Variants in ARHGAP26 observed in about 807,000 individuals in gnomAD.
ARHGAP26 encodes Rho GTPase activating protein 26.
In ARHGAP26, 38 loss-of-function variants were observed where a neutral mutation model predicts 104.8. The observed-to-expected ratio is 0.36, with a 90% CI of 0.28 to 0.48. The LOEUF is 0.48. Among genes scored for constraint, ARHGAP26 ranks in the 20% least tolerant of loss-of-function variants. The pLI is 0.99. For synonymous variants in ARHGAP26, 341 were observed against 340.0 expected, an observed-to-expected ratio of 1.00 and a Z score of -0.03; for missense variants, 704 against 947.9, an observed-to-expected ratio of 0.74 and a Z score of 3.38.
intron 22 of ARHGAP26, among the ~76,000 whole-genome samples, chr5:143,218,479 G>GAC (rs1810673084): frequency 6.6e-6 from 1 of 152,164 alleles, no homozygotes. Context: ...ACCTCTTTTA[G>GAC]TTAAGACTTC....
rs151187567 is a variant in ARHGAP26 at position 143,078,394 on chromosome 5, G to A, written c.1538+20647G>A. 3.9e-3 allele frequency among the ~76,000 whole-genome samples: 587 copies of A among 152,230 alleles called. 2 individuals are homozygous for A. Among genetic ancestry groups the A allele is most frequent in the African/African-American group, 0.014 (568 of 41,526 alleles). On this transcript the variant is annotated intron_variant, in intron 17 of 22. Transcript: ENST00000645722. ...CCTGCCCCTGCTGGATTTCAATTCG[G>A]ATTTTGGTTTTTTATTTTGGTCAGT...
At chr5:142,856,754 A>G (rs1752420662) in intron 1 of ARHGAP26, among the ~76,000 whole-genome samples, 1 of 152,192 alleles carries the variant, frequency 6.6e-6, no homozygotes, top group South Asian at 2.1e-4. Context: ...TAATCTAGAG[A>G]TGATTTAAAG....
chr5:142,861,230 G>A (rs1176883951), intron 1 of ARHGAP26, among the ~76,000 whole-genome samples: 1 of 152,076 alleles, frequency 6.6e-6, no homozygotes, highest in Non-Finnish European at 1.5e-5. Context: ...CTTGGTCCCT[G>A]GAGCACAGCC....
At chr5:142,788,183 T>C (rs1488746730) in intron 1 of ARHGAP26, among the ~76,000 whole-genome samples, 2 of 151,896 alleles carry the variant, frequency 1.3e-5, no homozygotes, top group African/African-American at 4.8e-5. Context: ...GTATTTTTAG[T>C]AGAGATGGGG....
intron 20 of ARHGAP26, among the ~76,000 whole-genome samples, chr5:143,171,885 G>A (rs1350021532): frequency 1.3e-5 from 2 of 152,152 alleles, no homozygotes; most frequent in African/African-American, 4.8e-5. Flanking sequence ...TGTTAGGTTT[G>A]CGATTTGGGA....
At chr5:143,042,013 C>T in intron 14 of ARHGAP26, 123 bp downstream of exon 14, 4 of 785,072 alleles carry the variant, frequency 5.1e-6, no homozygotes, top group East Asian at 2.7e-5. Context: ...GAGCTGTCAC[C>T]TAGAAGTCAT....
At chr5:142,905,391 C>CT (rs11338660) in intron 8 of ARHGAP26, among the ~76,000 whole-genome samples, 1 of 151,406 alleles carries the variant, frequency 6.6e-6, no homozygotes. Flanking sequence ...GGATACAGCA[C>CT]TTTTTTTTTA....
At position 142,873,496 on chromosome 5, in the gene ARHGAP26, G is replaced by A; in HGVS notation, c.250+1G>A. The A allele has an allele frequency of 6.4e-7, 1 of 1,571,388 alleles. No homozygotes were observed. Among genetic ancestry groups the A allele is most frequent in the Non-Finnish European group, 8.6e-7 (1 of 1,161,566 alleles). ...GAAACAGATGATGAGATGTGTATAG[G>A]TAAGTCATAACTGTGCAGAAGATAA... On this transcript the variant is annotated splice_donor_variant, in intron 2 of 22. Transcript: ENST00000645722. LOFTEE classifies it high-confidence loss of function.
chr5:143,054,775 T>C (rs1205693884), intron 15 of ARHGAP26, among the ~76,000 whole-genome samples: 5 of 152,232 alleles, frequency 3.3e-5, no homozygotes, highest in Non-Finnish European at 5.9e-5. Flanking sequence ...AGTATTGTGA[T>C]AATTAGCCAT....
rs796898822 is a variant in ARHGAP26, at chr5:143,115,420, AT to A, written c.1539-5558del. Among the ~76,000 whole-genome samples, 1,170 of 148,918 alleles carry A rather than the reference AT, an allele frequency of 7.9e-3. 19 individuals carry two copies. Among genetic ancestry groups the A allele is most frequent in the African/African-American group, 0.027 (1,079 of 40,712 alleles). On this transcript the variant is annotated intron_variant, in intron 17 of 22. Transcript: ENST00000645722. ...TTTCTATAGATTCAAAGTATTTCAT[AT>A]TTTTTTTTTACACCAAAGAATGAAA...
intron 19 of ARHGAP26, among the ~76,000 whole-genome samples, chr5:143,144,598 G>C (rs1226898589): frequency 6.6e-6 from 1 of 151,864 alleles, no homozygotes; most frequent in African/African-American, 2.4e-5. Flanking sequence ...GTAGAGATGG[G>C]GGTCTCACTG....
Position 143,035,016 on chromosome 5 carries a change from T to G in ARHGAP26, c.1145-2180T>G, listed in dbSNP as rs1427313536. Reference sequence around the variant, plus strand: ...TTTTAAGGGAATAAAAAGAATGGTTTGTATAGCAAGTAATCTCCAGGGAGA... The same window carrying G: ...TTTTAAGGGAATAAAAAGAATGGTTGGTATAGCAAGTAATCTCCAGGGAGA... On this transcript the variant is annotated intron_variant, in intron 12 of 22. Coordinates refer to ENST00000645722, the MANE Select transcript of ARHGAP26 (RefSeq NM_001135608.3). Among the ~76,000 whole-genome samples, 3 of 152,230 alleles carry G rather than the reference T, an allele frequency of 2.0e-5. No individual in the cohort carries two copies. In the East Asian group the frequency reaches 5.8e-4, roughly 29 times the overall value.
intron 19 of ARHGAP26, among the ~76,000 whole-genome samples, chr5:143,135,798 C>T (rs983640191): frequency 2.0e-5 from 3 of 152,162 alleles, no homozygotes; most frequent in Non-Finnish European, 4.4e-5. Context: ...AGATATACAA[C>T]GTTTCAGGAC....
At chr5:142,792,750 T>TTGAAAAAATCCTGGACC (rs1260688688) in intron 1 of ARHGAP26, among the ~76,000 whole-genome samples, 2 of 152,142 alleles carry the variant, frequency 1.3e-5, no homozygotes, top group African/African-American at 4.8e-5. Flanking sequence ...GTTGGAGGAT[T>TTGAAAAAATCCTGGACC]TGAAAAAATC....
At chr5:142,890,614 CAGAG>C (rs1359525674) in intron 5 of ARHGAP26, among the ~76,000 whole-genome samples, 7 of 152,016 alleles carry the variant, frequency 4.6e-5, no homozygotes, top group Non-Finnish European at 8.8e-5. Context: ...AGAATGAAGA[CAGAG>C]AGACCAGTTA....
At chr5:142,964,324 T>C (rs1335956731) in intron 11 of ARHGAP26, among the ~76,000 whole-genome samples, 2 of 152,198 alleles carry the variant, frequency 1.3e-5, no homozygotes, top group Non-Finnish European at 2.9e-5. Flanking sequence ...ATTTGTTCTA[T>C]TTACTAAATT....
intron 21 of ARHGAP26, among the ~76,000 whole-genome samples, chr5:143,208,530 T>C (rs1808958869): frequency 6.6e-6 from 1 of 152,256 alleles, no homozygotes; most frequent in African/African-American, 2.4e-5. Flanking sequence ...CATTTCATTC[T>C]ATCCTCGTGT....
intron 17 of ARHGAP26, among the ~76,000 whole-genome samples, chr5:143,110,250 T>C (rs1199313533): frequency 6.6e-6 from 1 of 152,236 alleles, no homozygotes; most frequent in East Asian, 1.9e-4. Context: ...TCCAAAAGAA[T>C]GTAAGCTTCT....
intron 1 of ARHGAP26, among the ~76,000 whole-genome samples, chr5:142,864,590 A>C (rs1753925495): frequency 6.6e-6 from 1 of 152,134 alleles, no homozygotes; most frequent in Non-Finnish European, 1.5e-5. Context: ...TGACTCAATG[A>C]GGCAAAAATT....
Sources: gnomAD v4.1 joint callset for allele counts (sites outside exome capture counted in the v4.1 genomes callset) on GRCh38, gnomAD v4.1.1 for gene constraint, MANE v1.5 for transcripts, NCBI Gene and HGNC (gene_info 2026-07-23, HGNC 2026-07-21) for gene names.